The following IPMK variants were observed in gnomAD, a reference collection of about 807,000 sequenced individuals.
IPMK encodes the protein inositol 1,3,4,6-tetrakisphosphate 5-kinase.
In IPMK, 17 loss-of-function variants were observed where a neutral mutation model predicts 45.8. The ratio of observed to expected loss-of-function variants is 0.37; its 90% CI spans 0.25 to 0.56. The LOEUF is 0.56. Ranked by LOEUF, IPMK falls within the 20% of genes least tolerant of loss-of-function variation. The pLI is 0.79. For synonymous variants in IPMK, 180 were observed against 184.3 expected (o/e 0.98, Z 0.19); for missense variants, 399 against 498.0 (o/e 0.80, Z 1.89).
At chr10:58,202,963 C>T (rs1838018104) in intron 4 of IPMK, among the ~76,000 whole-genome samples, 1 of 152,148 alleles carries the variant, frequency 6.6e-6, no homozygotes, top group East Asian at 1.9e-4. Flanking sequence ...TTAAGAAATA[C>T]ATTTTGCAAG....
At chr10:58,216,909 T>C (rs1466600750) in intron 3 of IPMK, among the ~76,000 whole-genome samples, 1 of 152,180 alleles carries the variant, frequency 6.6e-6, no homozygotes, top group African/African-American at 2.4e-5. Context: ...TAGACTGCAG[T>C]GGCCAATCTT....
At chr10:58,217,840 T>C (rs1838270667) in intron 3 of IPMK, among the ~76,000 whole-genome samples, 1 of 152,116 alleles carries the variant, frequency 6.6e-6, no homozygotes, top group African/African-American at 2.4e-5. Context: ...AGAAGGTGTT[T>C]ATTTTCTCTG....
intron 1 of IPMK, among the ~76,000 whole-genome samples, chr10:58,257,290 T>C (rs565855664): frequency 3.0e-4 from 46 of 151,324 alleles, no homozygotes; most frequent in Non-Finnish European, 5.6e-4. Context: ...AGGTCAGGAG[T>C]TCGAGACAAG....
At chr10:58,265,138 C>T (rs1180568433) in intron 1 of IPMK, among the ~76,000 whole-genome samples, 1 of 152,186 alleles carries the variant, frequency 6.6e-6, no homozygotes, top group East Asian at 1.9e-4. Context: ...GTCTGAACTA[C>T]TAATATATGC....
At chr10:58,218,909 C>T (rs1449604327) in intron 3 of IPMK, among the ~76,000 whole-genome samples, 1 of 152,144 alleles carries the variant, frequency 6.6e-6, no homozygotes, top group Non-Finnish European at 1.5e-5. Flanking sequence ...GAATGTTTGC[C>T]CTTCCCATTC....
chr10:58,247,962 A>T (rs1838826546), intron 1 of IPMK, among the ~76,000 whole-genome samples: 1 of 152,156 alleles, frequency 6.6e-6, no homozygotes, highest in Non-Finnish European at 1.5e-5. Context: ...ACAGCTACAG[A>T]CTTTTTCCTT....
At chr10:58,221,995 C>T (rs892516377) in intron 3 of IPMK, among the ~76,000 whole-genome samples, 7 of 152,064 alleles carry the variant, frequency 4.6e-5, no homozygotes, top group Admixed American at 2.0e-4. Flanking sequence ...GTGATCCACC[C>T]GCCTCAGCCT....
chr10:58,204,766 G>A (rs1484331220), intron 4 of IPMK, among the ~76,000 whole-genome samples: 1 of 152,074 alleles, frequency 6.6e-6, no homozygotes, highest in East Asian at 1.9e-4. Flanking sequence ...CTGCACTCTA[G>A]CCTGGATGAC....
At chr10:58,248,565 T>G (rs575499445) in intron 1 of IPMK, among the ~76,000 whole-genome samples, 1 of 152,290 alleles carries the variant, frequency 6.6e-6, no homozygotes, top group African/African-American at 2.4e-5. Context: ...ACATATCAAA[T>G]ATTCTCTTCT....
At chr10:58,258,887 T>C (rs1415854932) in intron 1 of IPMK, among the ~76,000 whole-genome samples, 1 of 152,076 alleles carries the variant, frequency 6.6e-6, no homozygotes, top group Non-Finnish European at 1.5e-5. Flanking sequence ...GAAAAATCAA[T>C]GCAATTTTAA....
intron 3 of IPMK, among the ~76,000 whole-genome samples, chr10:58,220,084 A>T (rs1467892791): frequency 1.3e-5 from 2 of 152,292 alleles, no homozygotes; most frequent in East Asian, 3.9e-4. Flanking sequence ...CAAATATCTG[A>T]TACAAGCTTG....
intron 1 of IPMK, 81 bp downstream of exon 1, chr10:58,267,341 G>C: frequency 3.5e-6 from 5 of 1,444,454 alleles, no homozygotes; most frequent in Middle Eastern, 1.9e-4. Context: ...AGGCAGGCCC[G>C]AGAGCGCTAG....
At chr10:58,265,495 AATAGGGAAT>A (rs1839135498) in intron 1 of IPMK, among the ~76,000 whole-genome samples, 1 of 152,194 alleles carries the variant, frequency 6.6e-6, no homozygotes, top group African/African-American at 2.4e-5. Context: ...CCATTTTACA[AATAGGGAAT>A]ATATCATCAG....
rs1412597046 is a variant in IPMK at position 58,193,418 on chromosome 10, C to T, written c.*2658G>A. On this transcript the variant is annotated 3_prime_UTR_variant, in exon 6 of 6. Coordinates refer to ENST00000373935, the MANE Select transcript of IPMK (RefSeq NM_152230.5). ...AATACCACAAGCTCCACATTAGAGC[C>T]ATTTAATATACACATTTCCATAACT... 3 of 151,768 alleles carry T rather than the reference C, an allele frequency of 2.0e-5. No homozygotes were observed. Among genetic ancestry groups the T allele is most frequent in the Non-Finnish European group, 4.4e-5 (3 of 67,746 alleles). The allele number at this position is 151,768 out of a possible 1,614,324, so 9.4% of individuals were successfully genotyped here. A position where few individuals can be genotyped will look rare whatever the true frequency, so the allele number is the denominator to read the frequency against.
intron 1 of IPMK, among the ~76,000 whole-genome samples, chr10:58,253,131 A>G (rs895862099): frequency 1.2e-4 from 19 of 152,132 alleles, no homozygotes; most frequent in Admixed American, 8.5e-4. Context: ...TTGGTAGTGA[A>G]TAAGTCTCTG....
In IPMK at chr10:58,191,667, T is replaced by C. The variant is rs551615455; in HGVS notation, c.*4409A>G. Reference sequence around the variant, plus strand: ...GACAATAACCCCTGCAGTCCAAGTATACCCCCACAATAGTACAAATTACAA... The same window carrying C: ...GACAATAACCCCTGCAGTCCAAGTACACCCCCACAATAGTACAAATTACAA... On this transcript the variant is annotated 3_prime_UTR_variant, in exon 6 of 6. Transcript: ENST00000373935. 205 of 151,624 alleles carry C rather than the reference T, an allele frequency of 1.4e-3. 2 individuals are homozygous for C. Among genetic ancestry groups the C allele is most frequent in the African/African-American group, 4.8e-3 (198 of 41,160 alleles). 9.4% of individuals were successfully genotyped at this position (151,624 alleles called of 1,614,324 possible). A position where few individuals can be genotyped will look rare whatever the true frequency, so the allele number is the denominator to read the frequency against.
chr10:58,210,686 T>C (rs536662826), intron 4 of IPMK, among the ~76,000 whole-genome samples: 113 of 152,294 alleles, frequency 7.4e-4, no homozygotes, highest in African/African-American at 2.2e-3. Context: ...CCTAAATCCA[T>C]TCCACCTCTA....
chr10:58,254,564 T>C (rs2790228), intron 1 of IPMK, among the ~76,000 whole-genome samples: 51,489 of 152,110 alleles, frequency 0.34, 10,966 homozygotes, highest in African/African-American at 0.61. Context: ...ATTATTGGAG[T>C]TGAACTGGTT....
chr10:58,215,534 G>A (rs1283550532), intron 4 of IPMK, among the ~76,000 whole-genome samples: 6 of 151,340 alleles, frequency 4.0e-5, no homozygotes, highest in Admixed American at 2.0e-4. Flanking sequence ...TCAGCCTCCC[G>A]AGTAGCTCGG....
Sources: allele counts gnomAD v4.1 joint callset (sites outside exome capture counted in the v4.1 genomes callset), GRCh38; gene constraint gnomAD v4.1.1; transcripts MANE v1.5; gene names NCBI Gene and HGNC (gene_info 2026-07-23, HGNC 2026-07-21).